PDE2A: variants seen among roughly 807,000 people sequenced by gnomAD.
PDE2A encodes cGMP-dependent 3',5'-cyclic phosphodiesterase.
In PDE2A, 53 loss-of-function variants were observed where a neutral mutation model predicts 133.6. That is an observed-to-expected ratio of 0.40 (90% CI 0.32 to 0.50). The LOEUF is 0.50. PDE2A is among the 20% of genes least tolerant of loss of function. PDE2A has a pLI of 0.73. For missense variants in PDE2A, 796 were observed against 1,232.4 expected, an observed-to-expected ratio of 0.65 and a Z score of 5.30; for synonymous variants, 491 against 490.2, an observed-to-expected ratio of 1.00 and a Z score of -0.02.
At chr11:72,598,652 A>T (rs1335039569) in intron 4 of PDE2A, 1 of 1,288,908 alleles carries the variant, frequency 7.8e-7, no homozygotes, top group African/African-American at 1.5e-5. Context: ...ATACAGGGTC[A>T]CTAAGGGAAG....
At chr11:72,606,896 G>A (rs964206150) in intron 3 of PDE2A, among the ~76,000 whole-genome samples, 3 of 152,182 alleles carry the variant, frequency 2.0e-5, no homozygotes, top group African/African-American at 4.8e-5. Context: ...AATTAGCTGA[G>A]TCTATTGGAG....
intron 2 of PDE2A, among the ~76,000 whole-genome samples, chr11:72,637,066 C>A (rs553254892): frequency 2.9e-5 from 4 of 137,566 alleles, no homozygotes; most frequent in Admixed American, 2.7e-4. Flanking sequence ...ACCAGCGAAC[C>A]TTCACAGTAA....
rs1855772355 is a variant in PDE2A, at chr11:72,582,575, G to T, written c.1729-9C>A. On this transcript the variant is annotated splice_polypyrimidine_tract_variant and intron_variant, in intron 20 of 30. Transcript: ENST00000334456. ...TACTCATCATCGGAGACCTAGAGGA[G>T]ACCAGCCAGAGCATTAGAAGACAGC... 1.2e-6 allele frequency: 2 copies of T among 1,607,444 alleles called. No homozygotes were observed. Among genetic ancestry groups the T allele is most frequent in the Non-Finnish European group, 1.7e-6 (2 of 1,176,296 alleles).
At position 72,674,345 on chromosome 11, in the gene PDE2A, C is replaced by T. The variant is rs1189926916; in HGVS notation, c.-138G>A. 1.3e-6 allele frequency: 1 copy of T among 749,040 alleles called. No homozygotes were observed. The highest frequency in any genetic ancestry group is 2.2e-6 in the Non-Finnish European group (1 of 464,108). 46.4% of individuals were successfully genotyped at this position (749,040 alleles called of 1,614,324 possible). A position where few individuals can be genotyped will look rare whatever the true frequency, so the allele number is the denominator to read the frequency against. On this transcript the variant is annotated 5_prime_UTR_variant, in exon 1 of 31. Transcript: ENST00000334456. ...GGCTGCCCCCTACTCAGCCTGGACT[C>T]AACACCCCAATCCAGCTCTGCTGCC...
chr11:72,609,594 C>A (rs181971364), intron 2 of PDE2A, among the ~76,000 whole-genome samples: 7 of 152,286 alleles, frequency 4.6e-5, no homozygotes, highest in Admixed American at 2.6e-4. Flanking sequence ...GGAACGGAGA[C>A]AAAAGTCCCT....
intron 1 of PDE2A, chr11:72,668,222 A>G: frequency 1.4e-6 from 1 of 716,594 alleles, no homozygotes. Context: ...CATCTGGAAC[A>G]GTAATGTATG....
chr11:72,584,345 G>GTGGAGGGAGGGATCGGT, intron 18 of PDE2A, 32 bp from the exon 19 acceptor site: 2 of 1,426,324 alleles, frequency 1.4e-6, no homozygotes, highest in Non-Finnish European at 2.0e-6. Flanking sequence ...GGAACCACCG[G>GTGGAGGGAGGGATCGGT]TGGAGGGAGG....
rs545407244 is a variant in PDE2A, at chr11:72,582,863, C to T, written c.1729-297G>A. ...CATGGCAGCATTTCATACACAGTAA[C>T]TGTAGCAGTCCTCCTTTTGTGGAGA... On this transcript the variant is annotated intron_variant, in intron 20 of 30. Transcript: ENST00000334456. Among the ~76,000 whole-genome samples the T allele has an allele frequency of 7.9e-5, 12 of 152,350 alleles. No individual in the cohort carries two copies. The East Asian group carries it at 2.3e-3, about 29-fold the overall frequency.
intron 23 of PDE2A, 92 bp downstream of exon 23, chr11:72,581,265 C>A (rs1218350505): frequency 7.8e-7 from 1 of 1,280,846 alleles, no homozygotes; most frequent in South Asian, 1.3e-5. Context: ...TGAGGCAGTG[C>A]GTGTAAAGTG....
At chr11:72,636,772 C>T (rs1451757103) in intron 2 of PDE2A, among the ~76,000 whole-genome samples, 2 of 152,144 alleles carry the variant, frequency 1.3e-5, no homozygotes, top group Non-Finnish European at 2.9e-5. Flanking sequence ...GCCTCATCAC[C>T]CCCGCTTACC....
chr11:72,593,324 C>T (rs1204344448), intron 6 of PDE2A, among the ~76,000 whole-genome samples: 17 of 152,094 alleles, frequency 1.1e-4, no homozygotes, highest in Admixed American at 1.1e-3. Context: ...TGCACATGCA[C>T]CTGGCGCCCC....
intron 2 of PDE2A, chr11:72,635,876 G>T (rs748733620): frequency 5.8e-6 from 4 of 694,064 alleles, no homozygotes; most frequent in Non-Finnish European, 7.6e-6. Flanking sequence ...CTGCTCTTCA[G>T]CTCTGCCTGT....
At chr11:72,645,699 CT>C (rs1859112444) in intron 1 of PDE2A, among the ~76,000 whole-genome samples, 1 of 152,244 alleles carries the variant, frequency 6.6e-6, no homozygotes, top group South Asian at 2.1e-4. Flanking sequence ...CATCTCCTCC[CT>C]GGCTGACCTC....
At chr11:72,625,983 C>T (rs564880889) in intron 2 of PDE2A, among the ~76,000 whole-genome samples, 10 of 152,366 alleles carry the variant, frequency 6.6e-5, no homozygotes, top group South Asian at 2.1e-4. Context: ...AACCTCAGCC[C>T]GGGGCCGCAG....
At chr11:72,600,939 G>A (rs1157073754) in intron 4 of PDE2A, among the ~76,000 whole-genome samples, 1 of 151,758 alleles carries the variant, frequency 6.6e-6, no homozygotes, top group Admixed American at 6.6e-5. Context: ...TCGAGGGAAA[G>A]GTTCTCTGCT....
intron 2 of PDE2A, among the ~76,000 whole-genome samples, chr11:72,628,381 A>G (rs1289942541): frequency 6.6e-6 from 1 of 151,054 alleles, no homozygotes; most frequent in Non-Finnish European, 1.5e-5. Flanking sequence ...CCCAGGCTGA[A>G]GTGCAGTGGC....
intron 25 of PDE2A, 118 bp from the exon 26 acceptor site, chr11:72,579,726 A>T (rs1855634643): frequency 1.5e-6 from 1 of 687,124 alleles, no homozygotes; most frequent in Non-Finnish European, 2.5e-6. Flanking sequence ...CAGAGCAGTC[A>T]GAAAGGGGGA....
intron 23 of PDE2A, 79 bp from the exon 24 acceptor site, chr11:72,581,052 A>T (rs940577797): frequency 1.2e-5 from 12 of 1,019,882 alleles, no homozygotes; most frequent in Non-Finnish European, 1.7e-5. Context: ...GACAGACAGG[A>T]GATGACATGC....
At chr11:72,614,581 G>A (rs1857370202) in intron 2 of PDE2A, among the ~76,000 whole-genome samples, 1 of 152,186 alleles carries the variant, frequency 6.6e-6, no homozygotes, top group East Asian at 1.9e-4. Context: ...TTCTGATACA[G>A]TAGGTCTGGG....
Sources: allele counts gnomAD v4.1 joint callset (sites outside exome capture counted in the v4.1 genomes callset), GRCh38; gene constraint gnomAD v4.1.1; transcripts MANE v1.5; gene names NCBI Gene and HGNC (gene_info 2026-07-23, HGNC 2026-07-21).